The following FHIT variants were observed in gnomAD, a reference collection of about 807,000 sequenced individuals.
FHIT encodes fragile histidine triad diadenosine triphosphatase, also known as bis(5'-adenosyl)-triphosphatase.
A neutral mutation model predicts 17.9 loss-of-function variants in FHIT; 19 were observed. That is an observed-to-expected ratio of 1.06 (90% CI 0.74 to 1.56). The LOEUF (loss-of-function observed/expected upper bound fraction) is 1.56, where lower values mean the gene tolerates loss of function less well. Ranked by LOEUF, FHIT falls within the 40% of genes most tolerant of loss-of-function variation. The pLI, the probability that FHIT is intolerant of heterozygous loss-of-function variation, is 0.00. For synonymous variants in FHIT, 81 were observed against 69.7 expected (o/e 1.16, Z -0.81); for missense variants, 248 against 189.2 (o/e 1.31, Z -1.82).
chr3:60,997,721 T>C (rs2030776401), intron 3 of FHIT, among the ~76,000 whole-genome samples: 2 of 152,336 alleles, frequency 1.3e-5, no homozygotes, highest in South Asian at 4.1e-4. Context: ...ATTAAATATA[T>C]GACCTAGCAT....
intron 7 of FHIT, among the ~76,000 whole-genome samples, chr3:59,977,825 C>T (rs956953411): frequency 6.6e-6 from 1 of 152,100 alleles, no homozygotes; most frequent in Non-Finnish European, 1.5e-5. Flanking sequence ...TCTGATAGTT[C>T]TAGTTACCCT....
At chr3:61,197,901 G>C (rs1429178574) in intron 2 of FHIT, among the ~76,000 whole-genome samples, 1 of 152,040 alleles carries the variant, frequency 6.6e-6, no homozygotes, top group Non-Finnish European at 1.5e-5. Context: ...AGAGCTAAGA[G>C]AAGCAGCCAA....
At chr3:60,145,154 AT>A (rs35022605) in intron 5 of FHIT, among the ~76,000 whole-genome samples, 55,860 of 151,564 alleles carry the variant, frequency 0.37, 11,458 homozygotes, top group African/African-American at 0.55. Flanking sequence ...TCCACCTACA[AT>A]TTTTTTTTGT....
intron 4 of FHIT, among the ~76,000 whole-genome samples, chr3:60,668,865 T>C (rs1337478263): frequency 6.6e-6 from 1 of 152,138 alleles, no homozygotes; most frequent in East Asian, 1.9e-4. Flanking sequence ...CAGCTCATTC[T>C]TACTGTCTTT....
intron 3 of FHIT, among the ~76,000 whole-genome samples, chr3:60,913,578 T>C (rs782374263): frequency 1.1e-4 from 16 of 152,256 alleles, no homozygotes; most frequent in Non-Finnish European, 4.4e-5. Flanking sequence ...TGTGTTTCTG[T>C]GATCTTTACA....
chr3:60,628,075 C>G (rs1378077083), intron 4 of FHIT, among the ~76,000 whole-genome samples: 1 of 152,122 alleles, frequency 6.6e-6, no homozygotes, highest in Non-Finnish European at 1.5e-5. Context: ...TTTAAAAATA[C>G]AGGTACTTAA....
chr3:60,865,778 G>A (rs947329125), intron 3 of FHIT, among the ~76,000 whole-genome samples: 1 of 152,066 alleles, frequency 6.6e-6, no homozygotes. Flanking sequence ...AGCAAAGAGA[G>A]GGCACAACAT....
At chr3:61,078,171 A>T (rs2106765526) in intron 2 of FHIT, among the ~76,000 whole-genome samples, 1 of 152,270 alleles carries the variant, frequency 6.6e-6, no homozygotes, top group African/African-American at 2.4e-5. Flanking sequence ...CATGACAGAC[A>T]GATTTATTAT....
At chr3:60,152,657 G>T (rs1297520333) in intron 5 of FHIT, among the ~76,000 whole-genome samples, 1 of 152,138 alleles carries the variant, frequency 6.6e-6, no homozygotes, top group African/African-American at 2.4e-5. Flanking sequence ...CACAAAGACA[G>T]TTCTCTTAAA....
At chr3:59,885,572 CTGTT>C (rs1484028862) in intron 8 of FHIT, among the ~76,000 whole-genome samples, 1 of 151,824 alleles carries the variant, frequency 6.6e-6, no homozygotes, top group Non-Finnish European at 1.5e-5. Flanking sequence ...GTACAGTGCT[CTGTT>C]TGATCATCCA....
chr3:60,176,853 C>G (rs976456445), intron 5 of FHIT, among the ~76,000 whole-genome samples: 7 of 152,156 alleles, frequency 4.6e-5, no homozygotes, highest in Non-Finnish European at 1.0e-4. Context: ...AAATCCGTTG[C>G]TTGGAAATAT....
At chr3:60,078,936 A>G (rs1489226578) in intron 5 of FHIT, among the ~76,000 whole-genome samples, 2 of 152,042 alleles carry the variant, frequency 1.3e-5, no homozygotes, top group Non-Finnish European at 2.9e-5. Context: ...TTATTTCAGA[A>G]TTAAAAGTTA....
At chr3:60,575,063 T>A (rs1553657080) in intron 4 of FHIT, among the ~76,000 whole-genome samples, 1 of 152,080 alleles carries the variant, frequency 6.6e-6, no homozygotes, top group Non-Finnish European at 1.5e-5. Flanking sequence ...TAAACATTTT[T>A]AAAATCAGTC....
At chr3:59,972,791 G>C (rs1452463203) in intron 7 of FHIT, among the ~76,000 whole-genome samples, 1 of 152,020 alleles carries the variant, frequency 6.6e-6, no homozygotes, top group African/African-American at 2.4e-5. Context: ...CTGTTCATTT[G>C]GGATTGGTTT....
intron 4 of FHIT, among the ~76,000 whole-genome samples, chr3:60,615,641 A>G (rs1473953264): frequency 2.6e-5 from 4 of 152,260 alleles, no homozygotes; most frequent in Admixed American, 2.6e-4. Context: ...ATATTTGAGT[A>G]ATACCTACTA....
At chr3:59,753,658 G>A (rs1308705469) in intron 8 of FHIT, among the ~76,000 whole-genome samples, 1 of 151,986 alleles carries the variant, frequency 6.6e-6, no homozygotes. Flanking sequence ...ACCAATGATA[G>A]CTAGCATTTA....
At chr3:59,942,029 A>G (rs753132010) in intron 7 of FHIT, among the ~76,000 whole-genome samples, 2 of 152,150 alleles carry the variant, frequency 1.3e-5, no homozygotes, top group African/African-American at 2.4e-5. Flanking sequence ...AAGCCCTGAG[A>G]ACTGGAATCA....
chr3:60,246,070 T>G (rs1705381426), intron 5 of FHIT, among the ~76,000 whole-genome samples: 1 of 152,138 alleles, frequency 6.6e-6, no homozygotes, highest in African/African-American at 2.4e-5. Flanking sequence ...ATTTTTATAT[T>G]GTTTACCCTG....
intron 8 of FHIT, among the ~76,000 whole-genome samples, chr3:59,868,995 T>A (rs556554076): frequency 6.6e-6 from 1 of 152,232 alleles, no homozygotes; most frequent in African/African-American, 2.4e-5. Flanking sequence ...TACATTCCCA[T>A]CCTGTTGGCT....
Sources: allele counts gnomAD v4.1 joint callset (sites outside exome capture counted in the v4.1 genomes callset), GRCh38; gene constraint gnomAD v4.1.1; transcripts MANE v1.5; gene names NCBI Gene and HGNC (gene_info 2026-07-23, HGNC 2026-07-21).